The following CLCN4 variants were observed in gnomAD, a reference collection of about 807,000 sequenced individuals.
CLCN4 encodes Cl-/H+ antiporter 4, also known as H(+)/Cl(-) exchange transporter 4.
CLCN4 carries 1 observed loss-of-function variant against 41.7 expected under a neutral mutation model. The ratio of observed to expected loss-of-function variants is 0.02; its 90% CI spans 0.01 to 0.11. The LOEUF (loss-of-function observed/expected upper bound fraction) is 0.11. Among genes scored for constraint, CLCN4 ranks in the 10% least tolerant of loss-of-function variants. The probability of loss-of-function intolerance (pLI) is 1.00; values close to 1 mark genes in which losing one functional copy is unlikely to be tolerated. For missense variants in CLCN4, 287 were observed against 661.0 expected (o/e 0.43, Z 6.20); for synonymous variants, 277 against 285.8 (o/e 0.97, Z 0.31).
intron 5 of CLCN4, among the ~76,000 whole-genome samples, chrX:10,195,440 T>C (rs1924072639): frequency 8.9e-6 from 1 of 111,842 alleles, no homozygotes; most frequent in African/African-American, 3.3e-5. Context: ...TTTGATATCT[T>C]CTAATTGAGA....
At chrX:10,212,858 C>CACACACACACACACACACACACAA (rs1924600998) in intron 10 of CLCN4, among the ~76,000 whole-genome samples, 2 of 111,131 alleles carry the variant, frequency 1.8e-5, no homozygotes, top group Non-Finnish European at 3.8e-5. Flanking sequence ...CACACACACA[C>CACACACACACACACACACACACAA]AAACAGATGC....
chrX:10,183,033 T>C (rs1024919484), intron 2 of CLCN4, among the ~76,000 whole-genome samples: 8 of 112,268 alleles, frequency 7.1e-5, no homozygotes, highest in Non-Finnish European at 1.3e-4. Flanking sequence ...AGGGCTCTCT[T>C]GGAGGGTCAA....
intron 11 of CLCN4, among the ~76,000 whole-genome samples, chrX:10,214,469 G>A (rs890459193): frequency 8.8e-6 from 1 of 113,073 alleles, no homozygotes; most frequent in African/African-American, 3.2e-5. Flanking sequence ...AGGAAGAGAG[G>A]CGACAGCCTG....
intron 3 of CLCN4, 143 bp downstream of exon 3, chrX:10,185,319 A>G (rs1923782542): frequency 1.8e-6 from 1 of 555,856 alleles, no homozygotes; most frequent in Non-Finnish European, 2.7e-6. Flanking sequence ...GGAGGAGCAG[A>G]TATATTGGCA....
intron 10 of CLCN4, 27 bp downstream of exon 10, chrX:10,212,680 G>A (rs756555007): frequency 2.6e-6 from 3 of 1,166,811 alleles, no homozygotes; most frequent in South Asian, 1.9e-5. Flanking sequence ...GGCAGGGAGG[G>A]GGACCGGGGA....
chrX:10,177,060 G>A (rs1422462756), intron 2 of CLCN4, among the ~76,000 whole-genome samples: 1 of 112,867 alleles, frequency 8.9e-6, no homozygotes, highest in Non-Finnish European at 1.9e-5. Context: ...CCAGCTCACT[G>A]CCTGCTTTCG....
At chrX:10,210,822 A>AT (rs1433140726) in intron 9 of CLCN4, among the ~76,000 whole-genome samples, 1 of 105,367 alleles carries the variant, frequency 9.5e-6, no homozygotes, top group Non-Finnish European at 1.9e-5. Context: ...TGATTTTTGT[A>AT]TTTTTTGTAG....
At chrX:10,191,692 ATTTTTTTTTTTTT>A (rs760315418) in intron 4 of CLCN4, among the ~76,000 whole-genome samples, 3 of 49,771 alleles carry the variant, frequency 6.0e-5, no homozygotes, top group African/African-American at 1.8e-4. Flanking sequence ...TATCTGGTTA[ATTTTTTTTTTTTT>A]TTTTTTTTTT....
At chrX:10,199,241 A>G (rs1924175567) in intron 6 of CLCN4, among the ~76,000 whole-genome samples, 1 of 112,327 alleles carries the variant, frequency 8.9e-6, no homozygotes, top group Non-Finnish European at 1.9e-5. Flanking sequence ...ATCACACAAC[A>G]GAAACCACAG....
chrX:10,165,248 C>G (rs1923218306), intron 2 of CLCN4, among the ~76,000 whole-genome samples: 1 of 113,009 alleles, frequency 8.8e-6, no homozygotes. Flanking sequence ...AGAGAGCCTG[C>G]TGTTGGCTGG....
intron 11 of CLCN4, among the ~76,000 whole-genome samples, chrX:10,216,861 T>G: frequency 1.4e-5 from 1 of 72,700 alleles, no homozygotes. Context: ...TGGTGTCATC[T>G]ACACCTTTCT....
chrX:10,215,114 C>A (rs374292296), intron 11 of CLCN4, among the ~76,000 whole-genome samples: 32 of 112,106 alleles, frequency 2.9e-4, no homozygotes, highest in African/African-American at 1.0e-3. Context: ...GTGCACACGA[C>A]AGTTTTACTA....
chrX:10,168,024 TTC>T (rs780144624), intron 2 of CLCN4, among the ~76,000 whole-genome samples: 21 of 112,315 alleles, frequency 1.9e-4, no homozygotes, highest in African/African-American at 6.8e-4. Context: ...TCATGGTATT[TTC>T]TCTCTCTTTC....
At chrX:10,220,945 C>G (rs1261468868) in intron 12 of CLCN4, 68 bp downstream of exon 12, 2 of 934,892 alleles carry the variant, frequency 2.1e-6, no homozygotes, top group Non-Finnish European at 1.5e-6. Flanking sequence ...GGTCTCAGCC[C>G]TGAAGAATGT....
chrX:10,159,266 T>G (rs763541312), intron 2 of CLCN4, among the ~76,000 whole-genome samples: 1 of 112,232 alleles, frequency 8.9e-6, no homozygotes, highest in Non-Finnish European at 1.9e-5. Flanking sequence ...CAAATGATCT[T>G]TAGCAGAGAG....
intron 1 of CLCN4, among the ~76,000 whole-genome samples, chrX:10,158,083 ATT>A (rs1298314049): frequency 2.7e-5 from 3 of 112,820 alleles, no homozygotes; most frequent in Non-Finnish European, 5.6e-5. Context: ...TCCATGCTAT[ATT>A]TTGTGTCATT....
At chrX:10,197,081 C>A (rs1418848437) in intron 5 of CLCN4, among the ~76,000 whole-genome samples, 2 of 111,937 alleles carry the variant, frequency 1.8e-5, no homozygotes, top group Non-Finnish European at 3.8e-5. Context: ...CCTCTCTTTT[C>A]TGCCCCCTTT....
intron 12 of CLCN4, among the ~76,000 whole-genome samples, chrX:10,224,613 G>A (rs1416480676): frequency 9.0e-6 from 1 of 110,965 alleles, no homozygotes; most frequent in East Asian, 2.8e-4. Flanking sequence ...TTAAAGTTCC[G>A]GGATACATGT....
At chrX:10,224,586 TTTTAA>T (rs894137619) in intron 12 of CLCN4, among the ~76,000 whole-genome samples, 8 of 111,164 alleles carry the variant, frequency 7.2e-5, no homozygotes, top group African/African-American at 2.3e-4. Context: ...GTTTTTTCTT[TTTTAA>T]TTTAATTTAA....
Sources: gnomAD v4.1 joint callset for allele counts (sites outside exome capture counted in the v4.1 genomes callset) on GRCh38, gnomAD v4.1.1 for gene constraint, MANE v1.5 for transcripts, NCBI Gene and HGNC (gene_info 2026-07-23, HGNC 2026-07-21) for gene names.